The following DHX32 variants were observed in gnomAD, a reference collection of about 807,000 sequenced individuals.
DHX32 encodes the protein DEAH-box helicase 32 (putative).
A neutral mutation model predicts 70.0 loss-of-function variants in DHX32; 51 were observed. The observed-to-expected ratio is 0.73, with a 90% CI of 0.58 to 0.92. The LOEUF (loss-of-function observed/expected upper bound fraction) is 0.92. Ranked by LOEUF, DHX32 falls within the 40% of genes least tolerant of loss-of-function variation. The probability of loss-of-function intolerance (pLI) is 0.00; values close to 1 mark genes in which losing one functional copy is unlikely to be tolerated. For missense variants in DHX32, 762 were observed against 891.8 expected (o/e 0.85, Z 1.85); for synonymous variants, 310 against 315.3 (o/e 0.98, Z 0.18).
chr10:125,877,294 C>G (rs184529451), intron 1 of DHX32, among the ~76,000 whole-genome samples: 11 of 152,220 alleles, frequency 7.2e-5, no homozygotes, highest in Non-Finnish European at 1.2e-4. Flanking sequence ...AACAGCGTAA[C>G]AAAGAACAAA....
At chr10:125,862,156 AGTT>A (rs1382765924) in intron 2 of DHX32, among the ~76,000 whole-genome samples, 3 of 152,200 alleles carry the variant, frequency 2.0e-5, no homozygotes, top group Non-Finnish European at 4.4e-5. Context: ...AAACCCAGAT[AGTT>A]GTTCTATCTG....
Position 125,852,570 on chromosome 10 carries a change from T to C in DHX32, c.1165A>G (p.Lys389Glu), listed in dbSNP as rs758457394. Residue 389 changes from lysine to glutamate, a missense_variant, in exon 5 of 11, where the codon AAG (lysine) becomes GAG (glutamate). Physicochemically the swap from Lys to Glu is moderately conservative, Grantham distance 56. Around this residue, in one of 3 missense-constraint regions of DHX32, gnomAD observed 394 missense variants for 473.1 expected, o/e 0.83. Coordinates refer to ENST00000284690, the MANE Select transcript of DHX32 (RefSeq NM_018180.3). ...GAAGAAGATGAGCCAAGAATCTGCTTGCGTATCTCTGCCTGGCTCTGGCTG... is the reference window on the plus strand; with the variant it reads ...GAAGAAGATGAGCCAAGAATCTGCTCGCGTATCTCTGCCTGGCTCTGGCTG... ...PISQSQAEIR[K>E]QILGSSSSGK... The C allele has an allele frequency of 6.2e-7, 1 of 1,613,804 alleles. No individual in the cohort carries two copies. Among genetic ancestry groups the C allele is most frequent in the Non-Finnish European group, 8.5e-7 (1 of 1,179,872 alleles).
intron 6 of DHX32, chr10:125,842,857 TGTG>T (rs999515978): frequency 3.7e-5 from 30 of 820,858 alleles, no homozygotes; most frequent in East Asian, 1.2e-4. Flanking sequence ...TCGATAATGA[TGTG>T]GTATTATATA....
chr10:125,860,973 C>T (rs1158572003), intron 2 of DHX32, among the ~76,000 whole-genome samples: 4 of 151,518 alleles, frequency 2.6e-5, no homozygotes, highest in South Asian at 2.1e-4. Context: ...AGGATGGTCT[C>T]GATCTCCTGA....
In DHX32 at chr10:125,853,956, A is replaced by G. The variant is rs1944123901; in HGVS notation, c.1092+5T>C. 1.2e-6 allele frequency: 2 copies of G among 1,613,014 alleles called. No homozygotes were observed. The highest frequency in any genetic ancestry group is 2.2e-5 in the East Asian group (1 of 44,856). On this transcript the variant is annotated splice_donor_5th_base_variant and intron_variant, in intron 4 of 10. Coordinates refer to ENST00000284690, the MANE Select transcript of DHX32 (RefSeq NM_018180.3). Reference sequence around the variant, plus strand: ...AGTCTGTTTAGCCTACTCAATAATAATTACCTTTCTTCTTTCCACACCCAC... The same window carrying G: ...AGTCTGTTTAGCCTACTCAATAATAGTTACCTTTCTTCTTTCCACACCCAC...
chr10:125,841,235 T>A, intron 7 of DHX32: 2 of 1,608,416 alleles, frequency 1.2e-6, no homozygotes, highest in East Asian at 2.2e-5. Flanking sequence ...ATGGTTAATA[T>A]CCTGCTTCTA....
chr10:125,837,180 A>T (rs555896413), intron 10 of DHX32, among the ~76,000 whole-genome samples: 2 of 152,310 alleles, frequency 1.3e-5, no homozygotes, highest in South Asian at 4.1e-4. Context: ...CGTATGCTTA[A>T]GAGAGCTTTG....
intron 6 of DHX32, among the ~76,000 whole-genome samples, chr10:125,843,286 TTTC>T (rs1854930907): frequency 6.6e-6 from 1 of 151,908 alleles, no homozygotes; most frequent in Non-Finnish European, 1.5e-5. Flanking sequence ...TGGTAAAAAT[TTTC>T]TTATGTGCTG....
At chr10:125,868,506 G>T (rs770506120) in intron 1 of DHX32, among the ~76,000 whole-genome samples, 1 of 152,166 alleles carries the variant, frequency 6.6e-6, no homozygotes, top group Non-Finnish European at 1.5e-5. Flanking sequence ...GACTGCTGTA[G>T]ACTGTAAATT....
At position 125,854,135 on chromosome 10, in the gene DHX32, C is replaced by T. The variant is rs756754434; in HGVS notation, c.918G>A (p.Val306=). 1 of 1,613,836 alleles carries T rather than the reference C, an allele frequency of 6.2e-7. No individual in the cohort carries two copies. Among genetic ancestry groups the T allele is most frequent in the Non-Finnish European group, 8.5e-7 (1 of 1,179,952 alleles). The part of the protein sequence containing the change: ...SNLNPDLGEL[V]VVPLYPKEKC... ...TCTCTTTTGGATACAAAGGAACAAC[C>T]ACCAGTTCTCCAAGATCTGGGTTTA... is the stretch of plus-strand genomic sequence containing the variant. The change falls in exon 4 of 11, where the codon GTG becomes GTA. Residue 306 remains valine, a synonymous_variant. Coordinates refer to ENST00000284690, the MANE Select transcript of DHX32 (RefSeq NM_018180.3).
At chr10:125,856,783 CAA>C (rs146951679) in intron 3 of DHX32, among the ~76,000 whole-genome samples, 1 of 143,550 alleles carries the variant, frequency 7.0e-6, no homozygotes. Context: ...CCGTCTCTAC[CAA>C]AAAAAAAACA....
At chr10:125,841,499 T>C in intron 7 of DHX32, 1 of 1,450,890 alleles carries the variant, frequency 6.9e-7, no homozygotes, top group Non-Finnish European at 9.0e-7. Flanking sequence ...TCTAGTATGT[T>C]TTCATACATC....
chr10:125,888,514 G>A (rs1192733983), intron 1 of DHX32, among the ~76,000 whole-genome samples: 3 of 151,916 alleles, frequency 2.0e-5, no homozygotes, highest in Non-Finnish European at 4.4e-5. Flanking sequence ...CATATTCTAT[G>A]GAACAATCAA....
intron 6 of DHX32, among the ~76,000 whole-genome samples, chr10:125,850,973 A>G (rs1016102027): frequency 5.3e-5 from 8 of 152,190 alleles, no homozygotes; most frequent in South Asian, 2.1e-4. Flanking sequence ...TCCTACCCCA[A>G]TGGACAGTGA....
Position 125,866,397 on chromosome 10 carries a change from A to C in DHX32, c.476+593T>G, listed in dbSNP as rs550439114. Among the ~76,000 whole-genome samples, 1 of 152,366 alleles carries C rather than the reference A, an allele frequency of 6.6e-6. No homozygotes were observed. Among genetic ancestry groups the C allele is most frequent in the Non-Finnish European group, 1.5e-5 (1 of 68,028 alleles). On this transcript the variant is annotated intron_variant, in intron 2 of 10. Transcript: ENST00000284690. This position sits in a 1 kb window ranked among gnomAD's most constrained non-coding sequence, Gnocchi z 4.8. ...AGCCACAGAGAAGTCTCCTTGGAACATAGAAGACTCTGCAAAGCACAGTTT... is the reference window on the plus strand; with the variant it reads ...AGCCACAGAGAAGTCTCCTTGGAACCTAGAAGACTCTGCAAAGCACAGTTT...
At chr10:125,885,785 C>G (rs1944338524), upstream of DHX32, among the ~76,000 whole-genome samples, 1 of 152,050 alleles carries the variant, frequency 6.6e-6, no homozygotes, top group South Asian at 2.1e-4. Context: ...TATCAAGTGC[C>G]CCATAACCTC....
upstream of DHX32, among the ~76,000 whole-genome samples, chr10:125,882,486 A>G (rs529297675): frequency 1.3e-5 from 2 of 152,300 alleles, no homozygotes; most frequent in South Asian, 4.1e-4. Context: ...GGCTTATTAG[A>G]TGAGTAAACT....
intron 6 of DHX32, among the ~76,000 whole-genome samples, chr10:125,844,421 C>T (rs751591546): frequency 5.3e-5 from 8 of 152,148 alleles, no homozygotes; most frequent in Non-Finnish European, 1.0e-4. Flanking sequence ...ATTTTTACAC[C>T]CTGGAGTTGA....
At chr10:125,895,538 A>G (rs1187911095) in intron 1 of DHX32, among the ~76,000 whole-genome samples, 1 of 152,174 alleles carries the variant, frequency 6.6e-6, no homozygotes, top group African/African-American at 2.4e-5. Flanking sequence ...AATTTTTACA[A>G]CCTACCAGAT....
Sources: allele counts gnomAD v4.1 joint callset (sites outside exome capture counted in the v4.1 genomes callset), GRCh38; gene constraint gnomAD v4.1.1; regional missense constraint gnomAD v4.1.1; non-coding constraint Gnocchi (gnomAD v3.1); transcripts MANE v1.5; gene names NCBI Gene and HGNC (gene_info 2026-07-23, HGNC 2026-07-21).